The following NFATC3 variants were observed in gnomAD, a reference collection of about 807,000 sequenced individuals.
NFATC3 encodes the protein nuclear factor of activated T-cells, cytoplasmic 3.
Under a neutral mutation model 98.6 loss-of-function variants are expected in NFATC3, and 46 were observed. The observed-to-expected ratio is 0.47, with a 90% CI of 0.37 to 0.60. The LOEUF (loss-of-function observed/expected upper bound fraction) is 0.60, where lower values mean the gene tolerates loss of function less well. Among genes scored for constraint, NFATC3 ranks in the 20% least tolerant of loss-of-function variants. The pLI, the probability that NFATC3 is intolerant of heterozygous loss-of-function variation, is 0.00. For synonymous variants in NFATC3, 512 were observed against 472.2 expected (o/e 1.08, Z -1.09); for missense variants, 1,256 against 1,295.5 (o/e 0.97, Z 0.47).
intron 9 of NFATC3, among the ~76,000 whole-genome samples, chr16:68,210,592 GT>G (rs201514818): frequency 6.6e-5 from 10 of 150,956 alleles, no homozygotes; most frequent in African/African-American, 1.7e-4. Flanking sequence ...TCAGGAGTAT[GT>G]TTTTTTTTCT....
chr16:68,115,560 G>A lies in NFATC3; in HGVS notation c.104-6427G>A, dbSNP rs182177599. 1.9e-3 allele frequency among the ~76,000 whole-genome samples: 290 copies of A among 152,096 alleles called. 4 individuals carry two copies. The South Asian group carries it at 0.03, about 16-fold the overall frequency. On this transcript the variant is annotated intron_variant, in intron 1 of 9. Coordinates refer to ENST00000346183, the MANE Select transcript of NFATC3 (RefSeq NM_173165.3). ...CTGCCCCAGCCTCCCAAGTAGCTGGGATTACAGGCACGCGGCACCATGCCC... is the reference window on the plus strand; with the variant it reads ...CTGCCCCAGCCTCCCAAGTAGCTGGAATTACAGGCACGCGGCACCATGCCC...
intron 3 of NFATC3, among the ~76,000 whole-genome samples, chr16:68,128,605 C>T (rs1202678321): frequency 1.3e-5 from 2 of 151,286 alleles, no homozygotes; most frequent in Non-Finnish European, 2.9e-5. Context: ...AAAAAAACAA[C>T]GTTAAAAAAC....
chr16:68,183,792 T>C (rs1442674162), intron 8 of NFATC3, among the ~76,000 whole-genome samples: 4 of 151,796 alleles, frequency 2.6e-5, no homozygotes, highest in South Asian at 2.1e-4. Context: ...TCACCTGAGG[T>C]TGGGAGTTTG....
intron 1 of NFATC3, among the ~76,000 whole-genome samples, chr16:68,109,980 GCCAAGCTC>G (rs1488559185): frequency 1.3e-5 from 2 of 151,914 alleles, no homozygotes; most frequent in African/African-American, 4.8e-5. Flanking sequence ...CATTAGCCTA[GCCAAGCTC>G]CTGGATGAGT....
chr16:68,126,691 G>C lies in NFATC3; in HGVS notation c.1401+81G>C, dbSNP rs538373398. 3,008 of 1,391,444 alleles carry C rather than the reference G, an allele frequency of 2.2e-3. 59 individuals are homozygous for C. The South Asian group carries it at 0.029, about 13-fold the overall frequency. The allele number at this position is 1,391,444 out of a possible 1,614,324, so 86.2% of individuals were successfully genotyped here. On this transcript the variant is annotated intron_variant, in intron 3 of 9. Coordinates refer to ENST00000346183, the MANE Select transcript of NFATC3 (RefSeq NM_173165.3). ...CAAGTCTATTCAGTTAGGTACTAGA[G>C]AGTGCAAAGAGCATAAACTCAAAAC...
intron 1 of NFATC3, 125 bp downstream of exon 1, chr16:68,085,909 T>C (rs755611873): frequency 1.4e-5 from 9 of 666,550 alleles, no homozygotes; most frequent in African/African-American, 5.8e-5. Flanking sequence ...TGCGCGCGCG[T>C]GTGTGTGGTG....
At chr16:68,225,293 C>G (rs999489510) in intron 9 of NFATC3, 3 of 152,214 alleles carry the variant, frequency 2.0e-5, no homozygotes, top group African/African-American at 7.2e-5. Context: ...TGAAAAGAAA[C>G]TCCATACTCA....
chr16:68,119,479 G>T (rs74024145), intron 1 of NFATC3, among the ~76,000 whole-genome samples: 1 of 151,770 alleles, frequency 6.6e-6, no homozygotes. Flanking sequence ...CTGACCACCC[G>T]TAGCTCTCAT....
chr16:68,159,417 T>A (rs1355536765), intron 4 of NFATC3, among the ~76,000 whole-genome samples: 1 of 151,310 alleles, frequency 6.6e-6, no homozygotes, highest in Non-Finnish European at 1.5e-5. Context: ...TTTTTTTTTT[T>A]TTTATATTTT....
At position 68,122,319 on chromosome 16, in the gene NFATC3, A is replaced by G; in HGVS notation, c.436A>G (p.Arg146Gly). ...PEREFLERPSRDHLYLPLEPS... is the reference protein window; with the variant it reads ...PEREFLERPSGDHLYLPLEPS... ...ACGGGAATTTTTGGAAAGGCCTTCT[A>G]GAGATCATCTCTATCTTCCTCTTGA... The change falls in exon 2 of 10, where the codon AGA (arginine) becomes GGA (glycine). Residue 146 changes from arginine (R) to glycine (G), a missense_variant. Transcript: ENST00000346183. 3 of 1,613,626 alleles carry G rather than the reference A, an allele frequency of 1.9e-6. No homozygotes were observed. Among genetic ancestry groups the G allele is most frequent in the South Asian group, 1.1e-5 (1 of 91,068 alleles).
chr16:68,227,115 G>A lies in NFATC3; in HGVS notation c.*644G>A, dbSNP rs910660735. On this transcript the variant is annotated 3_prime_UTR_variant, in exon 10 of 10. Transcript: ENST00000346183. Reference sequence around the variant, plus strand: ...GAAGAGACCATTCCATCATTGAAGTGTTGGAATATAAAAAGACATTCCAGA... The same window carrying A: ...GAAGAGACCATTCCATCATTGAAGTATTGGAATATAAAAAGACATTCCAGA... The A allele has an allele frequency of 1.3e-5, 2 of 152,114 alleles. No homozygotes were observed. Among genetic ancestry groups the A allele is most frequent in the Non-Finnish European group, 2.9e-5 (2 of 68,028 alleles). 9.4% of individuals were successfully genotyped at this position (152,114 alleles called of 1,614,324 possible).
At chr16:68,174,334 ATTTTG>A (rs764124931) in intron 5 of NFATC3, 35 bp from the exon 6 acceptor site, 1 of 1,359,252 alleles carries the variant, frequency 7.4e-7, no homozygotes, top group South Asian at 2.2e-5. Flanking sequence ...TTTAACTAAT[ATTTTG>A]TTTTTTCTCA....
chr16:68,192,215 A>T, intron 9 of NFATC3: 1 of 44,324 alleles, frequency 2.3e-5, no homozygotes, highest in South Asian at 8.5e-4. Context: ...CTCGGGAAAA[A>T]AAAAAAAAAA....
intron 1 of NFATC3, among the ~76,000 whole-genome samples, chr16:68,094,059 A>G (rs1450426309): frequency 5.3e-5 from 8 of 152,210 alleles, no homozygotes; most frequent in African/African-American, 1.7e-4. Context: ...AGTTAGACCA[A>G]TAGAGGGTAC....
intron 1 of NFATC3, among the ~76,000 whole-genome samples, chr16:68,087,732 G>A (rs1348004388): frequency 1.3e-5 from 2 of 152,012 alleles, no homozygotes; most frequent in African/African-American, 4.8e-5. Context: ...CCAACCCCTA[G>A]TAGCCACCAG....
chr16:68,152,478 A>G (rs114902709), intron 3 of NFATC3, among the ~76,000 whole-genome samples: 73 of 151,852 alleles, frequency 4.8e-4, no homozygotes, highest in African/African-American at 1.7e-3. Context: ...TTATCAAACT[A>G]TGGCTTTTAT....
At chr16:68,109,620 G>A (rs891281250) in intron 1 of NFATC3, among the ~76,000 whole-genome samples, 3 of 151,994 alleles carry the variant, frequency 2.0e-5, no homozygotes, top group Non-Finnish European at 4.4e-5. Context: ...CTTCCTTTTC[G>A]GTTGTTTGGA....
Position 68,180,261 on chromosome 16 carries a change from C to T in NFATC3, c.1916-1214C>T, listed in dbSNP as rs188255147. ...CTTTTCAACATCTGAAATATAATCT[C>T]ACAGAGAAGCAATCAAGATTTTATT... On this transcript the variant is annotated intron_variant, in intron 6 of 9. Coordinates refer to ENST00000346183, the MANE Select transcript of NFATC3 (RefSeq NM_173165.3). 4.6e-5 allele frequency among the ~76,000 whole-genome samples: 7 copies of T among 152,274 alleles called. No homozygotes were observed. In the East Asian group the frequency reaches 1.4e-3, roughly 29 times the overall value.
At chr16:68,156,475 A>G (rs2038624147) in intron 3 of NFATC3, among the ~76,000 whole-genome samples, 1 of 152,248 alleles carries the variant, frequency 6.6e-6, no homozygotes, top group African/African-American at 2.4e-5. Context: ...ACAAAAGTTT[A>G]TACACCATGA....
Sources: allele counts gnomAD v4.1 joint callset (sites outside exome capture counted in the v4.1 genomes callset), GRCh38; gene constraint gnomAD v4.1.1; transcripts MANE v1.5; gene names NCBI Gene and HGNC (gene_info 2026-07-23, HGNC 2026-07-21).